Variants in FAT3 observed in about 807,000 individuals in gnomAD.
FAT3 encodes the protein protocadherin Fat 3.
A neutral mutation model predicts 310.2 loss-of-function variants in FAT3; 95 were observed. The observed-to-expected ratio is 0.31, with a 90% CI of 0.26 to 0.36. The LOEUF (loss-of-function observed/expected upper bound fraction) is 0.36. Ranked by LOEUF, FAT3 falls within the 10% of genes least tolerant of loss-of-function variation. The pLI is 1.00. For missense variants in FAT3, 5,408 were observed against 5,715.6 expected, an observed-to-expected ratio of 0.95 and a Z score of 1.74; for synonymous variants, 2,314 against 2,192.9, an observed-to-expected ratio of 1.06 and a Z score of -1.54.
intron 13 of FAT3, among the ~76,000 whole-genome samples, chr11:92,831,234 A>G (rs1172495293): frequency 6.6e-6 from 1 of 152,188 alleles, no homozygotes; most frequent in Non-Finnish European, 1.5e-5. Flanking sequence ...TGCCTGGTAG[A>G]TTCTAAATAC....
At chr11:92,822,724 G>A (rs750279708) in intron 13 of FAT3, among the ~76,000 whole-genome samples, 3 of 151,978 alleles carry the variant, frequency 2.0e-5, no homozygotes, top group Non-Finnish European at 2.9e-5. Context: ...ATTAACTTAG[G>A]CCCAGTTTCT....
chr11:92,812,025 T>A (rs892699949), intron 13 of FAT3, among the ~76,000 whole-genome samples: 1 of 152,088 alleles, frequency 6.6e-6, no homozygotes, highest in African/African-American at 2.4e-5. Flanking sequence ...AGACAGGAGA[T>A]TCCAGTTGCA....
At chr11:92,626,352 G>A (rs1430854817) in intron 3 of FAT3, among the ~76,000 whole-genome samples, 1 of 152,100 alleles carries the variant, frequency 6.6e-6, no homozygotes, top group Non-Finnish European at 1.5e-5. Context: ...ATAACCACCT[G>A]GGACTTTTTA....
intron 1 of FAT3, among the ~76,000 whole-genome samples, chr11:92,317,902 G>A (rs112710661): frequency 0.027 from 4,048 of 152,202 alleles, 199 homozygotes; most frequent in African/African-American, 0.092. Flanking sequence ...CATTTATTCA[G>A]TACAAAAGTC....
chr11:92,495,230 A>G (rs923848053), intron 2 of FAT3, among the ~76,000 whole-genome samples: 6 of 152,116 alleles, frequency 3.9e-5, no homozygotes, highest in African/African-American at 1.4e-4. Flanking sequence ...AACAAGGGAC[A>G]GTATTCTTTA....
At chr11:92,803,642 C>T (rs1414508183) in intron 10 of FAT3, among the ~76,000 whole-genome samples, 1 of 152,174 alleles carries the variant, frequency 6.6e-6, no homozygotes, top group Non-Finnish European at 1.5e-5. Context: ...CTGTCCTGTG[C>T]ACTGTAGGAT....
chr11:92,805,656 A>T (rs949294247), intron 11 of FAT3, among the ~76,000 whole-genome samples: 1 of 152,026 alleles, frequency 6.6e-6, no homozygotes. Context: ...TGTTTAAATC[A>T]CTGATATCAT....
At chr11:92,389,903 T>C (rs911907394) in intron 2 of FAT3, among the ~76,000 whole-genome samples, 1 of 152,164 alleles carries the variant, frequency 6.6e-6, no homozygotes, top group African/African-American at 2.4e-5. Flanking sequence ...GGTCTCTGTC[T>C]AATCAACCAG....
intron 23 of FAT3, among the ~76,000 whole-genome samples, chr11:92,881,938 C>T (rs890210681): frequency 6.6e-6 from 1 of 152,120 alleles, no homozygotes; most frequent in Non-Finnish European, 1.5e-5. Context: ...GACATGTAGC[C>T]CTTCACCCAC....
intron 7 of FAT3, among the ~76,000 whole-genome samples, chr11:92,777,009 A>G (rs1160005761): frequency 6.6e-6 from 1 of 152,194 alleles, no homozygotes; most frequent in Non-Finnish European, 1.5e-5. Flanking sequence ...TGTCAAGAAC[A>G]CTTTTACAAA....
intron 1 of FAT3, among the ~76,000 whole-genome samples, chr11:92,312,040 C>T (rs538763311): frequency 1.3e-5 from 2 of 152,236 alleles, no homozygotes; most frequent in Non-Finnish European, 2.9e-5. Flanking sequence ...TTCTTCTCTT[C>T]CAAGTTTTCG....
chr11:92,420,071 C>A (rs935144287), intron 2 of FAT3, among the ~76,000 whole-genome samples: 2 of 152,190 alleles, frequency 1.3e-5, no homozygotes, highest in African/African-American at 4.8e-5. Flanking sequence ...GTAAAGCCTG[C>A]CGGCTGGCTG....
chr11:92,566,004 C>G (rs1955426141), intron 3 of FAT3, among the ~76,000 whole-genome samples: 1 of 152,158 alleles, frequency 6.6e-6, no homozygotes, highest in African/African-American at 2.4e-5. Flanking sequence ...TCTCACCACT[C>G]CTATTCAACA....
chr11:92,290,555 G>A (rs527922550), intron 1 of FAT3, among the ~76,000 whole-genome samples: 12 of 151,984 alleles, frequency 7.9e-5, no homozygotes, highest in South Asian at 2.1e-4. Flanking sequence ...TTAGGAGATC[G>A]AGACCACCCT....
intron 2 of FAT3, among the ~76,000 whole-genome samples, chr11:92,385,671 T>C (rs1283297497): frequency 6.6e-6 from 1 of 152,096 alleles, no homozygotes; most frequent in African/African-American, 2.4e-5. Flanking sequence ...CTTGGCTACC[T>C]CTTGCTGATT....
chr11:92,413,222 G>T (rs1017843875), intron 2 of FAT3, among the ~76,000 whole-genome samples: 4 of 152,098 alleles, frequency 2.6e-5, no homozygotes, highest in Admixed American at 2.6e-4. Context: ...GAACCCTTCT[G>T]TGTTTGAAAA....
intron 3 of FAT3, among the ~76,000 whole-genome samples, chr11:92,560,180 G>A (rs547582081): frequency 6.6e-6 from 1 of 152,066 alleles, no homozygotes; most frequent in Admixed American, 6.6e-5. Context: ...TTGTGATTTC[G>A]ATTTACATTT....
At chr11:92,422,657 T>C (rs1950555344) in intron 2 of FAT3, among the ~76,000 whole-genome samples, 1 of 152,066 alleles carries the variant, frequency 6.6e-6, no homozygotes, top group Non-Finnish European at 1.5e-5. Context: ...CTATAAATGT[T>C]GTGTTGGGTG....
At position 92,894,450 on chromosome 11, in the gene FAT3, A is replaced by G. The variant is rs1949982834; in HGVS notation, c.*3337A>G. On this transcript the variant is annotated 3_prime_UTR_variant, in exon 28 of 28. Coordinates refer to ENST00000525166, the MANE Select transcript of FAT3 (RefSeq NM_001367949.2). ...ATGATGAACCATGTGGAAACTATTT[A>G]AATCAATTAATGTCTTTCTCATTTT... 1 of 152,136 alleles carries G rather than the reference A, an allele frequency of 6.6e-6. No individual in the cohort carries two copies. The allele number at this position is 152,136 out of a possible 1,614,324, so 9.4% of individuals were successfully genotyped here.
Sources: gnomAD v4.1 joint callset for allele counts (sites outside exome capture counted in the v4.1 genomes callset) on GRCh38, gnomAD v4.1.1 for gene constraint, MANE v1.5 for transcripts, NCBI Gene and HGNC (gene_info 2026-07-23, HGNC 2026-07-21) for gene names.